The following RAB10 variants were observed in gnomAD, a reference collection of about 807,000 sequenced individuals.
RAB10 encodes ras-related protein Rab-10.
A neutral mutation model predicts 25.7 loss-of-function variants in RAB10; 5 were observed. The observed-to-expected ratio is 0.19, with a 90% CI of 0.10 to 0.41. The LOEUF (loss-of-function observed/expected upper bound fraction) is 0.41. RAB10 is among the 10% of genes least tolerant of loss of function. RAB10 has a pLI of 1.00. For missense variants in RAB10, 103 were observed against 245.8 expected, an observed-to-expected ratio of 0.42 and a Z score of 3.89; for synonymous variants, 89 against 86.4, an observed-to-expected ratio of 1.03 and a Z score of -0.16.
intron 1 of RAB10, among the ~76,000 whole-genome samples, chr2:26,072,966 G>A (rs944158045): frequency 1.1e-4 from 16 of 152,214 alleles, no homozygotes; most frequent in Non-Finnish European, 1.6e-4. Flanking sequence ...TCAGGAACTT[G>A]AGGAGTGTAA....
intron 1 of RAB10, among the ~76,000 whole-genome samples, chr2:26,063,212 G>A (rs1666445878): frequency 6.6e-6 from 1 of 151,402 alleles, no homozygotes; most frequent in South Asian, 2.1e-4. Context: ...TGTGTAGATA[G>A]CCTTGGCAGT....
chr2:26,046,064 C>T (rs1041789959), intron 1 of RAB10, among the ~76,000 whole-genome samples: 28 of 152,186 alleles, frequency 1.8e-4, no homozygotes, highest in African/African-American at 6.8e-4. Context: ...GTGGCTCACG[C>T]CTGTAATCCC....
intron 1 of RAB10, among the ~76,000 whole-genome samples, chr2:26,053,227 G>T (rs1363689854): frequency 6.6e-6 from 1 of 152,220 alleles, no homozygotes; most frequent in Non-Finnish European, 1.5e-5. Context: ...TATTGTTTTT[G>T]TAAATATCCA....
chr2:26,078,363 A>G (rs534555867), intron 1 of RAB10, among the ~76,000 whole-genome samples: 8 of 152,340 alleles, frequency 5.3e-5, no homozygotes, highest in Non-Finnish European at 1.2e-4. Context: ...TATAATGAAA[A>G]CAGTCTTGAA....
chr2:26,119,244 T>TA (rs1187203225), intron 3 of RAB10, among the ~76,000 whole-genome samples: 8 of 152,064 alleles, frequency 5.3e-5, no homozygotes, highest in Non-Finnish European at 1.0e-4. Flanking sequence ...TCATCTCTAC[T>TA]AAAAAAGTTT....
At chr2:26,035,109 G>A (rs1333417361) in intron 1 of RAB10, among the ~76,000 whole-genome samples, 3 of 152,178 alleles carry the variant, frequency 2.0e-5, no homozygotes, top group African/African-American at 7.2e-5. Context: ...AGCAGTACTA[G>A]CTATTTGGGA....
intron 3 of RAB10, among the ~76,000 whole-genome samples, chr2:26,124,172 T>C (rs1293218393): frequency 3.3e-5 from 5 of 152,134 alleles, no homozygotes; most frequent in East Asian, 3.8e-4. Context: ...ATAATACTTC[T>C]GGTTAGCATC....
intron 1 of RAB10, among the ~76,000 whole-genome samples, chr2:26,037,805 A>AG (rs899383256): frequency 4.6e-5 from 7 of 152,152 alleles, no homozygotes; most frequent in African/African-American, 1.7e-4. Flanking sequence ...TCTGCTGTGG[A>AG]GGTGTGGCAG....
chr2:26,120,993 C>T (rs915771369), intron 3 of RAB10, among the ~76,000 whole-genome samples: 4 of 151,932 alleles, frequency 2.6e-5, no homozygotes, highest in Non-Finnish European at 2.9e-5. Flanking sequence ...CTCACTGCAA[C>T]CTCCACCTCC....
At chr2:26,075,293 C>CA (rs1666709275) in intron 1 of RAB10, among the ~76,000 whole-genome samples, 1 of 151,948 alleles carries the variant, frequency 6.6e-6, no homozygotes, top group South Asian at 2.1e-4. Flanking sequence ...TCTTTAGTAC[C>CA]AAAAGTAGAG....
intron 1 of RAB10, among the ~76,000 whole-genome samples, chr2:26,078,055 C>T (rs189025130): frequency 7.2e-5 from 11 of 152,050 alleles, no homozygotes; most frequent in African/African-American, 2.7e-4. Flanking sequence ...AGTGAATCAT[C>T]CAAAAATTAA....
intron 3 of RAB10, among the ~76,000 whole-genome samples, chr2:26,111,944 G>C (rs1033394107): frequency 2.3e-4 from 35 of 152,154 alleles, no homozygotes; most frequent in African/African-American, 8.2e-4. Context: ...ATAGATTTTG[G>C]GGATGCCAAC....
Position 26,044,037 on chromosome 2 carries a change from A to G in RAB10, c.127+9302A>G, listed in dbSNP as rs117348817. 5.5e-4 allele frequency among the ~76,000 whole-genome samples: 84 copies of G among 152,310 alleles called. No homozygotes were observed. The East Asian group carries it at 0.015, about 27-fold the overall frequency. ...TAATGAGTATAAAACAACGCATTAC[A>G]GTTTTGCAGAATGAAAAGGCTCTGG... On this transcript the variant is annotated intron_variant, in intron 1 of 5. Coordinates refer to ENST00000264710, the MANE Select transcript of RAB10 (RefSeq NM_016131.5).
chr2:26,117,284 C>T (rs369927229), intron 3 of RAB10, among the ~76,000 whole-genome samples: 1 of 151,986 alleles, frequency 6.6e-6, no homozygotes, highest in Non-Finnish European at 1.5e-5. Context: ...GGGGATGCAG[C>T]GTAAACAACA....
chr2:26,117,572 G>A lies in RAB10; in HGVS notation c.327+7666G>A, dbSNP rs1667716130. ...GGAGCTTGCAGTGAGCCAAGGTCGTGCCACTGCACTCCGCTCCAGACTGGG... is the reference window on the plus strand; with the variant it reads ...GGAGCTTGCAGTGAGCCAAGGTCGTACCACTGCACTCCGCTCCAGACTGGG... On this transcript the variant is annotated intron_variant, in intron 3 of 5. Coordinates refer to ENST00000264710, the MANE Select transcript of RAB10 (RefSeq NM_016131.5). 2.8e-5 allele frequency among the ~76,000 whole-genome samples: 4 copies of A among 144,798 alleles called. No homozygotes were observed. In the South Asian group the frequency reaches 8.7e-4, roughly 31 times the overall value. 95.0% of individuals were successfully genotyped at this position (144,798 alleles called of 152,430 possible).
intron 3 of RAB10, among the ~76,000 whole-genome samples, chr2:26,114,609 G>T (rs1217832587): frequency 2.6e-5 from 4 of 152,036 alleles, no homozygotes; most frequent in Non-Finnish European, 5.9e-5. Flanking sequence ...GGACCACAAA[G>T]GTTGGGTATG....
At chr2:26,133,188 A>AT (rs1668043962) in intron 5 of RAB10, among the ~76,000 whole-genome samples, 1 of 152,092 alleles carries the variant, frequency 6.6e-6, no homozygotes, top group Non-Finnish European at 1.5e-5. Flanking sequence ...AAATATTTTA[A>AT]TTTTTTCCCT....
At chr2:26,114,604 A>C (rs1667643426) in intron 3 of RAB10, among the ~76,000 whole-genome samples, 1 of 152,114 alleles carries the variant, frequency 6.6e-6, no homozygotes, top group African/African-American at 2.4e-5. Context: ...AAAATGGACC[A>C]CAAAGGTTGG....
rs574107802 is a variant in RAB10, at chr2:26,083,721, G to A, written c.128-14941G>A. ...TTTAGTAGAGACTGGGTTTTGCTGT[G>A]TTGGCCAGGCTGGTCTCGAACTCCT... is the stretch of plus-strand genomic sequence containing the variant. On this transcript the variant is annotated intron_variant, in intron 1 of 5. Coordinates refer to ENST00000264710, the MANE Select transcript of RAB10 (RefSeq NM_016131.5). Among the ~76,000 whole-genome samples the A allele has an allele frequency of 2.6e-4, 39 of 152,236 alleles. 1 individual carries two copies. The highest frequency in any genetic ancestry group is 1.0e-4 in the Non-Finnish European group (7 of 68,020).
Sources: allele counts gnomAD v4.1 joint callset (sites outside exome capture counted in the v4.1 genomes callset), GRCh38; gene constraint gnomAD v4.1.1; transcripts MANE v1.5; gene names NCBI Gene and HGNC (gene_info 2026-07-23, HGNC 2026-07-21).